TAPT1: variants seen among roughly 807,000 people sequenced by gnomAD.
The protein encoded by TAPT1 is transmembrane anterior posterior transformation 1, also known as transmembrane anterior posterior transformation protein 1 homolog.
TAPT1 carries 28 observed loss-of-function variants against 65.6 expected under a neutral mutation model. The ratio of observed to expected loss-of-function variants is 0.43; its 90% CI spans 0.32 to 0.59. The LOEUF is 0.59. TAPT1 is among the 20% of genes least tolerant of loss of function. TAPT1 has a pLI of 0.09. For missense variants in TAPT1, 563 were observed against 679.9 expected (o/e 0.83, Z 1.91); for synonymous variants, 278 against 245.2 (o/e 1.13, Z -1.25).
In TAPT1 at chr4:16,214,827, G is replaced by A. The variant is rs144686145; in HGVS notation, c.200-929C>T. On this transcript the variant is annotated intron_variant, in intron 1 of 13. Coordinates refer to ENST00000405303, the MANE Select transcript of TAPT1 (RefSeq NM_153365.3). ...TTTCCAACTGTCCACTGTTCTCTTT[G>A]CTCTGAGCTGGCCTTGTGGTCCTTT... Among the ~76,000 whole-genome samples the A allele has an allele frequency of 4.4e-3, 669 of 152,280 alleles. 12 individuals carry two copies. Among genetic ancestry groups the A allele is most frequent in the Non-Finnish European group, 4.5e-3 (303 of 68,030 alleles).
At chr4:16,188,780 C>T (rs1227026746) in intron 4 of TAPT1, among the ~76,000 whole-genome samples, 3 of 151,916 alleles carry the variant, frequency 2.0e-5, no homozygotes, top group African/African-American at 4.8e-5. Flanking sequence ...ATTAGCCGGG[C>T]GTGGTGGCAG....
At chr4:16,167,367 A>C (rs1560149142) in intron 12 of TAPT1, among the ~76,000 whole-genome samples, 1 of 152,178 alleles carries the variant, frequency 6.6e-6, no homozygotes, top group African/African-American at 2.4e-5. Flanking sequence ...TTATTCTTTT[A>C]TTACACAACA....
chr4:16,174,196 G>A lies in TAPT1; in HGVS notation c.1236+8C>T. On this transcript the variant is annotated splice_region_variant and intron_variant, in intron 11 of 13. Coordinates refer to ENST00000405303, the MANE Select transcript of TAPT1 (RefSeq NM_153365.3). ...TGTTACAAAAAACATTAAAAAGTATGCACTTACTAAAACAGCTAGTGGGAG... is the reference window on the plus strand; with the variant it reads ...TGTTACAAAAAACATTAAAAAGTATACACTTACTAAAACAGCTAGTGGGAG... The A allele has an allele frequency of 6.3e-7, 1 of 1,590,576 alleles. No individual in the cohort carries two copies. The highest frequency in any genetic ancestry group is 8.6e-7 in the Non-Finnish European group (1 of 1,165,916).
At chr4:16,218,085 T>C (rs925230796) in intron 1 of TAPT1, among the ~76,000 whole-genome samples, 7 of 152,224 alleles carry the variant, frequency 4.6e-5, no homozygotes, top group African/African-American at 9.6e-5. Flanking sequence ...TCATTTTCAA[T>C]TTTAAAAAGC....
At chr4:16,185,039 C>T (rs1748921412) in intron 7 of TAPT1, among the ~76,000 whole-genome samples, 1 of 152,046 alleles carries the variant, frequency 6.6e-6, no homozygotes, top group Non-Finnish European at 1.5e-5. Context: ...TTTGCCTAGA[C>T]CAAGGTTGTG....
At chr4:16,176,310 T>C (rs1346936948) in intron 8 of TAPT1, 82 bp from the exon 9 acceptor site, 8 of 673,132 alleles carry the variant, frequency 1.2e-5, no homozygotes, top group African/African-American at 9.3e-5. Context: ...AAATATGAAA[T>C]CTCTAGAACA....
chr4:16,226,178 G>A (rs1158050237), intron 1 of TAPT1, 81 bp downstream of exon 1: 46 of 1,062,544 alleles, frequency 4.3e-5, no homozygotes, highest in African/African-American at 1.5e-4. Context: ...CTCGGGGGCC[G>A]GGGTTCCAAG....
In TAPT1 at chr4:16,164,450, G is replaced by C. The variant is rs554987512; in HGVS notation, c.1475-913C>G. Among the ~76,000 whole-genome samples the C allele has an allele frequency of 1.1e-4, 17 of 152,252 alleles. No individual in the cohort carries two copies. In the South Asian group the frequency reaches 3.5e-3, roughly 32 times the overall value. On this transcript the variant is annotated intron_variant, in intron 13 of 13. Transcript: ENST00000405303. The stretch of plus-strand genomic sequence containing the variant: ...GTTCTCCTGACCTCCAAGACATTCT[G>C]AGCAAACACTCAGGTCGTCATCCTG...
intron 4 of TAPT1, chr4:16,190,800 T>C (rs1037628931): frequency 6.5e-6 from 1 of 154,848 alleles, no homozygotes; most frequent in Non-Finnish European, 1.5e-5. Flanking sequence ...CGCTGAATGC[T>C]TTGAAGTGAG....
chr4:16,202,095 T>C (rs1750067471), intron 3 of TAPT1, among the ~76,000 whole-genome samples: 1 of 152,164 alleles, frequency 6.6e-6, no homozygotes, highest in South Asian at 2.1e-4. Flanking sequence ...TTTCCACAGA[T>C]GATGCCTACG....
chr4:16,163,525 T>A lies in TAPT1; in HGVS notation c.1487A>T (p.Glu496Val). The change falls in exon 14 of 14, where the codon GAA becomes GTA. Residue 496 changes from glutamate to valine, a missense_variant. By Grantham distance (121) the Glu-to-Val change is moderately radical. This residue lies in a region of TAPT1 where 136 missense variants were observed against 153.9 expected (regional missense o/e 0.88). Coordinates refer to ENST00000405303, the MANE Select transcript of TAPT1 (RefSeq NM_153365.3). ...GGTGATGGAGGCAGACAGGTTTTCTTCTGTGGAAAGGCCTGTGATAAAATA... is the reference window on the plus strand; with the variant it reads ...GGTGATGGAGGCAGACAGGTTTTCTACTGTGGAAAGGCCTGTGATAAAATA... The part of the protein sequence containing the change: ...KCKPSQGLST[E>V]ENLSASITKQ... 1 of 1,613,078 alleles carries A rather than the reference T, an allele frequency of 6.2e-7. No individual in the cohort carries two copies. Among genetic ancestry groups the A allele is most frequent in the Non-Finnish European group, 8.5e-7 (1 of 1,179,156 alleles).
At chr4:16,195,701 T>TA (rs1359485620) in intron 3 of TAPT1, among the ~76,000 whole-genome samples, 2 of 152,250 alleles carry the variant, frequency 1.3e-5, no homozygotes, top group Non-Finnish European at 2.9e-5. Flanking sequence ...ATTTACCAGT[T>TA]AGAGCATCTC....
At chr4:16,204,203 T>C (rs748782545) in intron 2 of TAPT1, among the ~76,000 whole-genome samples, 29 of 152,236 alleles carry the variant, frequency 1.9e-4, no homozygotes, top group Admixed American at 1.3e-4. Flanking sequence ...CCAGGAGCGT[T>C]TGTGATCCAC....
chr4:16,227,121 C>T (rs564588693), upstream of TAPT1: 364 of 455,652 alleles, frequency 8.0e-4, no homozygotes, highest in African/African-American at 5.0e-3. Flanking sequence ...CTCTGAGTGT[C>T]CTTTGGCAGT....
chr4:16,213,864 T>G lies in TAPT1; in HGVS notation c.234A>C (p.Leu78=). 6.2e-7 allele frequency: 1 copy of G among 1,609,520 alleles called. No individual in the cohort carries two copies. Among genetic ancestry groups the G allele is most frequent in the Non-Finnish European group, 8.5e-7 (1 of 1,178,756 alleles). Reference sequence around the variant, plus strand: ...TATGTTCAAGGAAGTACCCTCTTGTTAGTTCAGCACTGAGGAACCTCAACA... The same window carrying G: ...TATGTTCAAGGAAGTACCCTCTTGTGAGTTCAGCACTGAGGAACCTCAACA... ...LSLLRFLSAE[L]TRGYFLEHNE... is the part of the protein sequence containing the mutation. The change falls in exon 2 of 14, where the codon CTA becomes CTC. Residue 78 remains leucine, a synonymous_variant. Transcript: ENST00000405303.
chr4:16,179,802 A>ATGAG (rs1553825025), intron 7 of TAPT1, 145 bp from the exon 8 acceptor site: 27 of 309,900 alleles, frequency 8.7e-5, no homozygotes, highest in Non-Finnish European at 1.5e-4. Flanking sequence ...ATATATATAT[A>ATGAG]TGTGTGTGTG....
rs764205182 is a variant in TAPT1, at chr4:16,186,838, G to T, written c.789C>A (p.Leu263=). Residue 263 remains leucine (L), a synonymous_variant, in exon 6 of 14, where the codon CTC becomes CTA. Transcript: ENST00000405303. ...AILIMVQATT[L]NVAFNSHNKS... ...TGTTGTGTGAGTTAAAAGCTACATT[G>T]AGAGTTGTTGCTTGAACCATTATAA... is the stretch of plus-strand genomic sequence containing the variant. 1.2e-6 allele frequency: 2 copies of T among 1,612,238 alleles called. No individual in the cohort carries two copies. Among genetic ancestry groups the T allele is most frequent in the Non-Finnish European group, 1.7e-6 (2 of 1,178,702 alleles).
chr4:16,164,583 G>A (rs73234625), intron 13 of TAPT1, among the ~76,000 whole-genome samples: 10,791 of 152,146 alleles, frequency 0.071, 547 homozygotes, highest in Middle Eastern at 0.14. Context: ...CAAGAGTGAC[G>A]CTTACTAACT....
chr4:16,222,071 A>G (rs947173501), intron 1 of TAPT1, among the ~76,000 whole-genome samples: 9 of 152,228 alleles, frequency 5.9e-5, no homozygotes, highest in African/African-American at 2.2e-4. Flanking sequence ...TTCCAAGGTC[A>G]TAAGGTTATA....
Sources: allele counts gnomAD v4.1 joint callset (sites outside exome capture counted in the v4.1 genomes callset), GRCh38; gene constraint gnomAD v4.1.1; regional missense constraint gnomAD v4.1.1; transcripts MANE v1.5; gene names NCBI Gene and HGNC (gene_info 2026-07-23, HGNC 2026-07-21).